The following POU6F2 variants were observed in gnomAD, a reference collection of about 807,000 sequenced individuals.
The protein encoded by POU6F2 is POU class 6 homeobox 2.
A neutral mutation model predicts 71.3 loss-of-function variants in POU6F2; 31 were observed. The ratio of observed to expected loss-of-function variants is 0.43; its 90% CI spans 0.33 to 0.59. The LOEUF (loss-of-function observed/expected upper bound fraction) is 0.59, where lower values mean the gene tolerates loss of function less well. POU6F2 is among the 20% of genes least tolerant of loss of function. The pLI is 0.04. For missense variants in POU6F2, 783 were observed against 856.8 expected (o/e 0.91, Z 1.07); for synonymous variants, 347 against 355.7 (o/e 0.98, Z 0.27).
intron 1 of POU6F2, among the ~76,000 whole-genome samples, chr7:39,012,648 T>C (rs1213495431): frequency 6.6e-6 from 1 of 152,176 alleles, no homozygotes; most frequent in Admixed American, 6.5e-5. Flanking sequence ...TTCCCCATCT[T>C]TGTGGTTTTA....
chr7:39,380,103 C>T (rs749939884), intron 5 of POU6F2, among the ~76,000 whole-genome samples: 20 of 152,160 alleles, frequency 1.3e-4, no homozygotes, highest in Non-Finnish European at 2.5e-4. Context: ...ATATTATTCA[C>T]ATGAGAAATA....
chr7:39,263,292 T>G (rs2128754963), intron 4 of POU6F2, among the ~76,000 whole-genome samples: 1 of 152,366 alleles, frequency 6.6e-6, no homozygotes, highest in African/African-American at 2.4e-5. Context: ...CAGACTTATC[T>G]ACTGATAATG....
intron 2 of POU6F2, among the ~76,000 whole-genome samples, chr7:39,196,740 C>T (rs1793794692): frequency 6.6e-6 from 1 of 151,344 alleles, no homozygotes; most frequent in African/African-American, 2.4e-5. Context: ...GCCTGGGCCA[C>T]AGAGCGAGAC....
chr7:39,034,936 A>C (rs1203634866), intron 1 of POU6F2, among the ~76,000 whole-genome samples: 1 of 152,008 alleles, frequency 6.6e-6, no homozygotes, highest in African/African-American at 2.4e-5. Context: ...ATAGTTATTA[A>C]AAATAGAATA....
chr7:39,070,935 T>G (rs897659020), intron 1 of POU6F2, among the ~76,000 whole-genome samples: 1 of 152,168 alleles, frequency 6.6e-6, no homozygotes, highest in Non-Finnish European at 1.5e-5. Flanking sequence ...TTCCCATCAC[T>G]TAGAGGAGTG....
chr7:39,448,357 ATCT>A lies in POU6F2; in HGVS notation c.1321-3171_1321-3169del, dbSNP rs367691586. 6.1e-4 allele frequency among the ~76,000 whole-genome samples: 93 copies of A among 152,330 alleles called. No individual in the cohort carries two copies. The Middle Eastern group carries it at 0.01, about 17-fold the overall frequency. ...CCATTGAGATGCCACTGCTTATATA[ATCT>A]TCTTGATCCTTGACAAGTAAGAAAT... On this transcript the variant is annotated intron_variant, in intron 7 of 9. Transcript: ENST00000518318.
chr7:39,369,617 G>A (rs1786569319), intron 5 of POU6F2, among the ~76,000 whole-genome samples: 1 of 151,972 alleles, frequency 6.6e-6, no homozygotes, highest in Non-Finnish European at 1.5e-5. Flanking sequence ...GCCCTCCTTG[G>A]CCTCCCAAAG....
chr7:39,124,046 G>GT (rs1319253604), intron 2 of POU6F2, among the ~76,000 whole-genome samples: 1 of 103,906 alleles, frequency 9.6e-6, no homozygotes, highest in Non-Finnish European at 1.8e-5. Flanking sequence ...CATAGACTGG[G>GT]CCTTTTTTTT....
intron 5 of POU6F2, among the ~76,000 whole-genome samples, chr7:39,372,829 C>T (rs147031108): frequency 1.3e-5 from 2 of 152,162 alleles, no homozygotes; most frequent in African/African-American, 4.8e-5. Context: ...ATGGGCCATA[C>T]CAAAACAGGC....
At chr7:39,086,106 C>A in intron 2 of POU6F2, 75 bp downstream of exon 2, 2 of 1,416,950 alleles carry the variant, frequency 1.4e-6, no homozygotes, top group Non-Finnish European at 1.9e-6. Context: ...CCAACCCCCC[C>A]TTTTTTTCTG....
chr7:39,456,824 C>T (rs1013166118), intron 8 of POU6F2, among the ~76,000 whole-genome samples: 15 of 152,138 alleles, frequency 9.9e-5, no homozygotes, highest in African/African-American at 1.9e-4. Flanking sequence ...TATTTTATCA[C>T]GGAGCTAAGT....
chr7:39,014,131 A>T (rs775258691), intron 1 of POU6F2, among the ~76,000 whole-genome samples: 14 of 152,194 alleles, frequency 9.2e-5, no homozygotes, highest in Non-Finnish European at 1.8e-4. Context: ...TGGCTAGGAG[A>T]AGCGACTCAT....
At chr7:39,327,288 A>C (rs1196172503) in intron 4 of POU6F2, among the ~76,000 whole-genome samples, 1 of 152,096 alleles carries the variant, frequency 6.6e-6, no homozygotes, top group Non-Finnish European at 1.5e-5. Context: ...CAAAAAAAAA[A>C]AAAACAGAAA....
chr7:39,314,824 A>C (rs986277929), intron 4 of POU6F2, among the ~76,000 whole-genome samples: 19 of 152,216 alleles, frequency 1.2e-4, no homozygotes, highest in African/African-American at 4.3e-4. Flanking sequence ...TTCTTTAGAA[A>C]TGTACCTGCT....
intron 7 of POU6F2, among the ~76,000 whole-genome samples, chr7:39,441,671 A>G (rs1436253562): frequency 1.3e-5 from 2 of 152,230 alleles, no homozygotes; most frequent in Admixed American, 6.5e-5. Flanking sequence ...TAGGTAAAGC[A>G]ATGAAGAAAC....
Position 39,204,333 on chromosome 7 carries a change from A to G in POU6F2, c.369+7A>G, listed in dbSNP as rs1419712716. On this transcript the variant is annotated splice_region_variant and intron_variant, in intron 3 of 9. Coordinates refer to ENST00000518318, the MANE Select transcript of POU6F2 (RefSeq NM_001370959.1). ...ATTTCCAGTTGGGCCACAGGTCAGTATCTCTCAACTGCTTTCCACTGGGCT... is the reference window on the plus strand; with the variant it reads ...ATTTCCAGTTGGGCCACAGGTCAGTGTCTCTCAACTGCTTTCCACTGGGCT... The G allele has an allele frequency of 3.7e-6, 6 of 1,606,224 alleles. No individual in the cohort carries two copies. The highest frequency in any genetic ancestry group is 4.5e-5 in the East Asian group (2 of 44,806).
At chr7:39,006,696 T>C (rs962472264) in intron 1 of POU6F2, 7 of 743,678 alleles carry the variant, frequency 9.4e-6, no homozygotes, top group African/African-American at 3.5e-5. Context: ...ATGTGTGTCA[T>C]TTCAGCTGAG....
chr7:39,033,526 C>A (rs962206307), intron 1 of POU6F2, among the ~76,000 whole-genome samples: 2 of 152,136 alleles, frequency 1.3e-5, no homozygotes, highest in African/African-American at 4.8e-5. Context: ...TTTGGAGGAT[C>A]CTAATGTACT....
chr7:39,338,111 A>G (rs1182470900), intron 4 of POU6F2, among the ~76,000 whole-genome samples: 2 of 152,238 alleles, frequency 1.3e-5, no homozygotes, highest in South Asian at 2.1e-4. Flanking sequence ...ACATCAGGTT[A>G]GGTTCGATTT....
Sources: gnomAD v4.1 joint callset for allele counts (sites outside exome capture counted in the v4.1 genomes callset) on GRCh38, gnomAD v4.1.1 for gene constraint, MANE v1.5 for transcripts, NCBI Gene and HGNC (gene_info 2026-07-23, HGNC 2026-07-21) for gene names.